DYNC1LI2: variants seen among roughly 807,000 people sequenced by gnomAD.
DYNC1LI2 encodes cytoplasmic dynein 1 light intermediate chain 2.
Under a neutral mutation model 57.8 loss-of-function variants are expected in DYNC1LI2, and 19 were observed. The observed-to-expected ratio is 0.33, with a 90% CI of 0.23 to 0.48. The LOEUF (loss-of-function observed/expected upper bound fraction) is 0.48. Ranked by LOEUF, DYNC1LI2 falls within the 20% of genes least tolerant of loss-of-function variation. The pLI, the probability that DYNC1LI2 is intolerant of heterozygous loss-of-function variation, is 0.99. For synonymous variants in DYNC1LI2, 256 were observed against 233.4 expected (o/e 1.10, Z -0.88); for missense variants, 470 against 604.2 (o/e 0.78, Z 2.33).
chr16:66,750,125 C>T (rs1455290101), intron 2 of DYNC1LI2, among the ~76,000 whole-genome samples: 1 of 152,206 alleles, frequency 6.6e-6, no homozygotes, highest in Non-Finnish European at 1.5e-5. Context: ...GACCTGTCAG[C>T]CTGACTTCAG....
At chr16:66,749,616 C>T (rs568279612) in intron 2 of DYNC1LI2, among the ~76,000 whole-genome samples, 4 of 152,088 alleles carry the variant, frequency 2.6e-5, no homozygotes, top group South Asian at 2.1e-4. Flanking sequence ...GACATGCATT[C>T]GGAGAAGTGA....
At position 66,722,467 on chromosome 16, in the gene DYNC1LI2, CA is replaced by C. The variant is rs2017464998; in HGVS notation, c.*1254del. On this transcript the variant is annotated 3_prime_UTR_variant, in exon 13 of 13. Coordinates refer to ENST00000258198, the MANE Select transcript of DYNC1LI2 (RefSeq NM_006141.3). Reference sequence around the variant, plus strand: ...TTTCCAGAATGGTGGTATAACATGACAATGTGCATGAATTTGCCCTAGGTGG... The same window carrying C: ...TTTCCAGAATGGTGGTATAACATGACATGTGCATGAATTTGCCCTAGGTGG... The C allele has an allele frequency of 6.6e-6, 1 of 152,546 alleles. No individual in the cohort carries two copies. Among genetic ancestry groups the C allele is most frequent in the Admixed American group, 6.6e-5 (1 of 15,262 alleles). The allele number at this position is 152,546 out of a possible 1,614,324, so 9.4% of individuals were successfully genotyped here.
intron 6 of DYNC1LI2, chr16:66,733,925 G>A (rs2017683920): frequency 2.9e-6 from 1 of 339,026 alleles, no homozygotes; most frequent in South Asian, 3.5e-5. Context: ...ACTTTCGGAG[G>A]CTGAGGTAGG....
chr16:66,724,197 T>C (rs1217190647), intron 12 of DYNC1LI2, among the ~76,000 whole-genome samples: 1 of 152,234 alleles, frequency 6.6e-6, no homozygotes, highest in Non-Finnish European at 1.5e-5. Context: ...AGGAAACTAT[T>C]TTCTTTGCCC....
chr16:66,745,925 C>T (rs1021341196), intron 3 of DYNC1LI2, among the ~76,000 whole-genome samples: 110 of 151,386 alleles, frequency 7.3e-4, no homozygotes, highest in African/African-American at 2.7e-3. Context: ...AAAAATAAAA[C>T]AAAACAAACA....
At chr16:66,744,453 A>T (rs1227967302) in intron 3 of DYNC1LI2, among the ~76,000 whole-genome samples, 1 of 152,250 alleles carries the variant, frequency 6.6e-6, no homozygotes, top group East Asian at 1.9e-4. Context: ...ATAGATTCAC[A>T]CAAATGTGCA....
chr16:66,735,987 G>A (rs2017726224), intron 5 of DYNC1LI2, 88 bp downstream of exon 5: 1 of 1,515,308 alleles, frequency 6.6e-7, no homozygotes, highest in South Asian at 1.3e-5. Context: ...TCTCCCTTGG[G>A]AAAAAAACGT....
intron 6 of DYNC1LI2, chr16:66,733,584 A>G (rs572435004): frequency 6.5e-6 from 1 of 152,746 alleles, no homozygotes; most frequent in African/African-American, 2.4e-5. Flanking sequence ...TCATGCCTGT[A>G]ATCCCAGCTA....
In DYNC1LI2 at chr16:66,739,565, G is replaced by A. The variant is rs776182100; in HGVS notation, c.529+2873C>T. Among the ~76,000 whole-genome samples the A allele has an allele frequency of 3.9e-4, 59 of 152,140 alleles. 1 individual carries two copies. Among genetic ancestry groups the A allele is most frequent in the Middle Eastern group, 3.4e-3 (1 of 294 alleles). On this transcript the variant is annotated intron_variant, in intron 4 of 12. Coordinates refer to ENST00000258198, the MANE Select transcript of DYNC1LI2 (RefSeq NM_006141.3). ...CAATCAATTTGTCTGCCTCCGAGTA[G>A]CCAGGACTACAGGCATGTACCACCA...
chr16:66,743,872 T>C (rs2017886384), intron 3 of DYNC1LI2, among the ~76,000 whole-genome samples: 1 of 152,200 alleles, frequency 6.6e-6, no homozygotes, highest in African/African-American at 2.4e-5. Context: ...CTAATTATAT[T>C]GGGGAATTAG....
In DYNC1LI2 at chr16:66,721,543, C is replaced by T. The variant is rs1449823204; in HGVS notation, c.*2179G>A. ...CAAAACTCATCTCCCTTCCTCCCAC[C>T]TCCCAAAAAGAACCCTGCAGCTCCC... On this transcript the variant is annotated 3_prime_UTR_variant, in exon 13 of 13. Coordinates refer to ENST00000258198, the MANE Select transcript of DYNC1LI2 (RefSeq NM_006141.3). 2.0e-5 allele frequency: 3 copies of T among 152,532 alleles called. No individual in the cohort carries two copies. Among genetic ancestry groups the T allele is most frequent in the Non-Finnish European group, 4.4e-5 (3 of 68,028 alleles). The allele number at this position is 152,532 out of a possible 1,614,324, so 9.4% of individuals were successfully genotyped here.
At chr16:66,742,196 A>T (rs1476950707) in intron 4 of DYNC1LI2, among the ~76,000 whole-genome samples, 1 of 152,248 alleles carries the variant, frequency 6.6e-6, no homozygotes, top group East Asian at 1.9e-4. Flanking sequence ...CTCTTATTTG[A>T]AACGGAAACC....
At position 66,721,732 on chromosome 16, in the gene DYNC1LI2, T is replaced by C. The variant is rs2017453341; in HGVS notation, c.*1990A>G. 1 of 152,594 alleles carries C rather than the reference T, an allele frequency of 6.6e-6. No individual in the cohort carries two copies. Among genetic ancestry groups the C allele is most frequent in the African/African-American group, 2.4e-5 (1 of 41,432 alleles). The allele number at this position is 152,594 out of a possible 1,614,324, so 9.5% of individuals were successfully genotyped here. ...TTCATCAGTTTTAGTATATTTTATA[T>C]TGACACAAAAAGTGCTTATCAGTTC... On this transcript the variant is annotated 3_prime_UTR_variant, in exon 13 of 13. Coordinates refer to ENST00000258198, the MANE Select transcript of DYNC1LI2 (RefSeq NM_006141.3).
chr16:66,749,674 G>A (rs1429758693), intron 2 of DYNC1LI2, among the ~76,000 whole-genome samples: 1 of 152,110 alleles, frequency 6.6e-6, no homozygotes, highest in Non-Finnish European at 1.5e-5. Context: ...TTCACCACAA[G>A]AAAAACAAGA....
Position 66,735,972 on chromosome 16 carries a change from C to G in DYNC1LI2, c.699+103G>C, listed in dbSNP as rs1429778676. The G allele has an allele frequency of 2.1e-6, 3 of 1,453,788 alleles. No individual in the cohort carries two copies. The African/African-American group carries it at 4.3e-5, about 21-fold the overall frequency. The allele number at this position is 1,453,788 out of a possible 1,614,324, so 90.1% of individuals were successfully genotyped here. ...GTACCTTAATGAATCTCAAATAAGC[C>G]CAAGTCTCCCTTGGGAAAAAAACGT... is the stretch of plus-strand genomic sequence containing the variant. On this transcript the variant is annotated intron_variant, in intron 5 of 12. Coordinates refer to ENST00000258198, the MANE Select transcript of DYNC1LI2 (RefSeq NM_006141.3).
chr16:66,736,101 TC>T lies in DYNC1LI2; in HGVS notation c.672del (p.Ile225SerfsTer13). On this transcript the variant is annotated frameshift_variant, in exon 5 of 13. Transcript: ENST00000258198. LOFTEE classifies it high-confidence loss of function. ...LGDNVLTHNL[G>X]IPVLVVCTKC... is the part of the protein sequence containing the mutation. ...TTTGTGCACACCACCAACACCGGGA[TC>T]CCCAGGTTATGAGTCAGCACATTGT... The T allele has an allele frequency of 6.2e-7, 1 of 1,613,970 alleles. No homozygotes were observed. The highest frequency in any genetic ancestry group is 1.7e-5 in the Admixed American group (1 of 60,004).
chr16:66,737,205 G>C (rs1190511185), intron 4 of DYNC1LI2, among the ~76,000 whole-genome samples: 1 of 152,292 alleles, frequency 6.6e-6, no homozygotes, highest in South Asian at 2.1e-4. Context: ...AAACCTGGGA[G>C]GTGGAGGTTG....
Position 66,725,871 on chromosome 16 carries a change from T to C in DYNC1LI2, c.1335A>G (p.Gly445=), listed in dbSNP as rs139479968. 1 of 1,614,176 alleles carries C rather than the reference T, an allele frequency of 6.2e-7. No homozygotes were observed. The highest frequency in any genetic ancestry group is 8.5e-7 in the Non-Finnish European group (1 of 1,180,026). ...SLLSKKTGSP[G]SPGAGGVQST... ...TCTGCACCCCACCAGCACCAGGACT[T>C]CCAGGAGAGCCTGTCTTTTTACTCA... Residue 445 remains glycine, a synonymous_variant, in exon 12 of 13, where the codon GGA becomes GGG. Transcript: ENST00000258198.
At chr16:66,735,529 C>T (rs1052153981) in intron 5 of DYNC1LI2, among the ~76,000 whole-genome samples, 3 of 151,654 alleles carry the variant, frequency 2.0e-5, no homozygotes, top group African/African-American at 4.8e-5. Context: ...TTTTTTGAGA[C>T]GGAGTCTCGC....
Sources: gnomAD v4.1 joint callset for allele counts (sites outside exome capture counted in the v4.1 genomes callset) on GRCh38, gnomAD v4.1.1 for gene constraint, MANE v1.5 for transcripts, NCBI Gene and HGNC (gene_info 2026-07-23, HGNC 2026-07-21) for gene names.